Variants in PTK2 observed in about 807,000 individuals in gnomAD.
The protein encoded by PTK2 is protein tyrosine kinase 2.
PTK2 carries 45 observed loss-of-function variants against 150.1 expected under a neutral mutation model. The observed-to-expected ratio is 0.30, with a 90% confidence interval of 0.24 to 0.38. The LOEUF (loss-of-function observed/expected upper bound fraction) is 0.38, where lower values mean the gene tolerates loss of function less well. Ranked by LOEUF, PTK2 falls within the 10% of genes least tolerant of loss-of-function variation. The pLI is 1.00. For missense variants in PTK2, 919 were observed against 1,307.3 expected (o/e 0.70, Z 4.58); for synonymous variants, 432 against 449.2 (o/e 0.96, Z 0.48).
At chr8:140,970,161 G>A (rs977892944) in intron 1 of PTK2, among the ~76,000 whole-genome samples, 3 of 152,234 alleles carry the variant, frequency 2.0e-5, no homozygotes, top group African/African-American at 7.2e-5. Context: ...TCTCAGATGA[G>A]CTCCTGGGAA....
exon 30 of PTK2, chr8:140,668,287 C>T: frequency 1.2e-6 from 2 of 1,614,140 alleles, no homozygotes; most frequent in South Asian, 1.1e-5. Context: ...TAGGGACATA[C>T]TCCTCTGGTG....
At chr8:140,774,305 T>G (rs2100077179) in intron 14 of PTK2, among the ~76,000 whole-genome samples, 1 of 152,190 alleles carries the variant, frequency 6.6e-6, no homozygotes, top group Non-Finnish European at 1.5e-5. Context: ...TGGCTGACAG[T>G]GGTCACAGTG....
chr8:140,735,040 A>G, intron 22 of PTK2: 1 of 586,598 alleles, frequency 1.7e-6, no homozygotes, highest in Non-Finnish European at 3.0e-6. Context: ...CCATAATTGG[A>G]GCTTTATTAA....
chr8:140,711,711 G>A (rs1217639907), intron 23 of PTK2, among the ~76,000 whole-genome samples: 3 of 152,156 alleles, frequency 2.0e-5, no homozygotes, highest in African/African-American at 7.2e-5. Context: ...CTTTGTCACT[G>A]CTGTATTCAT....
intron 1 of PTK2, among the ~76,000 whole-genome samples, chr8:140,966,348 T>C (rs1233574718): frequency 2.0e-5 from 3 of 152,234 alleles, no homozygotes; most frequent in Non-Finnish European, 4.4e-5. Flanking sequence ...TTTTGCTTTA[T>C]GTTTTATTCT....
intron 26 of PTK2, among the ~76,000 whole-genome samples, chr8:140,692,617 C>CAAAACAAACA (rs1311721174): frequency 7.1e-6 from 1 of 141,170 alleles, no homozygotes; most frequent in Non-Finnish European, 1.5e-5. Context: ...GACTTCGTCT[C>CAAAACAAACA]AAAACAAACA....
intron 3 of PTK2, among the ~76,000 whole-genome samples, chr8:140,880,140 G>A (rs372974316): frequency 5.3e-5 from 8 of 152,142 alleles, no homozygotes; most frequent in Non-Finnish European, 1.2e-4. Context: ...TTAAGGCTAC[G>A]TTTCTGGTGA....
At chr8:140,826,908 A>T (rs916466790) in intron 8 of PTK2, among the ~76,000 whole-genome samples, 1 of 151,862 alleles carries the variant, frequency 6.6e-6, no homozygotes, top group Non-Finnish European at 1.5e-5. Context: ...ACGGAGTGAG[A>T]CCCTGTCTCT....
intron 14 of PTK2, among the ~76,000 whole-genome samples, chr8:140,777,840 C>T (rs775263638): frequency 2.0e-5 from 3 of 152,180 alleles, no homozygotes; most frequent in Non-Finnish European, 2.9e-5. Flanking sequence ...TCTGAACACG[C>T]GTTCTATGAA....
intron 5 of PTK2, among the ~76,000 whole-genome samples, chr8:140,863,731 C>T (rs962481244): frequency 2.0e-5 from 3 of 152,166 alleles, no homozygotes; most frequent in Admixed American, 6.5e-5. Context: ...TGACAGGAAT[C>T]CTCCACTAGA....
chr8:140,954,287 C>T (rs1456672844), intron 1 of PTK2, among the ~76,000 whole-genome samples: 1 of 152,136 alleles, frequency 6.6e-6, no homozygotes, highest in African/African-American at 2.4e-5. Flanking sequence ...GCCACTTGGT[C>T]TCAAACTCCT....
intron 1 of PTK2, among the ~76,000 whole-genome samples, chr8:140,926,659 G>A (rs373573542): frequency 2.6e-5 from 4 of 152,270 alleles, no homozygotes; most frequent in African/African-American, 7.2e-5. Context: ...GCTGGTACTT[G>A]ACAGATGTAT....
intron 30 of PTK2, among the ~76,000 whole-genome samples, chr8:140,665,538 C>T (rs1190059467): frequency 6.6e-6 from 1 of 152,144 alleles, no homozygotes. Flanking sequence ...AGCAGAAACA[C>T]TCCTCCCTGC....
At chr8:140,778,611 C>T (rs761635693) in intron 14 of PTK2, among the ~76,000 whole-genome samples, 3 of 152,210 alleles carry the variant, frequency 2.0e-5, no homozygotes, top group East Asian at 3.8e-4. Context: ...TTGTGCTATT[C>T]GCTTTACGGT....
intron 26 of PTK2, among the ~76,000 whole-genome samples, chr8:140,692,392 G>T (rs1334109411): frequency 6.6e-6 from 1 of 152,174 alleles, no homozygotes; most frequent in Non-Finnish European, 1.5e-5. Context: ...CGAGGTGGGT[G>T]GATCACCTGA....
chr8:140,670,488 A>AACACACACACACACAC (rs57247522), intron 29 of PTK2, among the ~76,000 whole-genome samples: 7 of 38,978 alleles, frequency 1.8e-4, no homozygotes, highest in African/African-American at 3.8e-4. Flanking sequence ...AAAAAACAAC[A>AACACACACACACACAC]ACACACACAC....
chr8:140,873,440 T>C (rs931470105), intron 4 of PTK2, among the ~76,000 whole-genome samples: 4 of 151,526 alleles, frequency 2.6e-5, no homozygotes, highest in Admixed American at 1.3e-4. Flanking sequence ...GTCTCTTGTG[T>C]ATCTATTACT....
At chr8:140,675,598 C>A in intron 27 of PTK2, 99 bp from the exon 31 acceptor site, 2 of 875,186 alleles carry the variant, frequency 2.3e-6, no homozygotes, top group South Asian at 1.5e-5. Context: ...AACTTCTAGG[C>A]TAGATTCTAG....
chr8:140,920,768 AGCATGAATTC>A, intron 2 of PTK2: 1 of 1,393,202 alleles, frequency 7.2e-7, no homozygotes. Flanking sequence ...TCGGTGCAAA[AGCATGAATTC>A]AAATAAAACG....
Sources: gnomAD v4.1 joint callset for allele counts (sites outside exome capture counted in the v4.1 genomes callset) on GRCh38, gnomAD v4.1.1 for gene constraint, MANE v1.5 for transcripts, NCBI Gene and HGNC (gene_info 2026-07-23, HGNC 2026-07-21) for gene names.